FAM53B: variants seen among roughly 807,000 people sequenced by gnomAD.
FAM53B encodes the protein family with sequence similarity 53 member B, also known as protein FAM53B.
FAM53B carries 12 observed loss-of-function variants against 32.7 expected under a neutral mutation model. The ratio of observed to expected loss-of-function variants is 0.37; its 90% CI spans 0.24 to 0.59. FAM53B has a LOEUF of 0.59. Ranked by LOEUF, FAM53B falls within the 20% of genes least tolerant of loss-of-function variation. The pLI is 0.72. For missense variants in FAM53B, 477 were observed against 577.7 expected, an observed-to-expected ratio of 0.83 and a Z score of 1.79; for synonymous variants, 234 against 228.7, an observed-to-expected ratio of 1.02 and a Z score of -0.21.
intron 4 of FAM53B, among the ~76,000 whole-genome samples, chr10:124,654,298 G>A (rs1159964208): frequency 6.6e-6 from 1 of 152,222 alleles, no homozygotes; most frequent in African/African-American, 2.4e-5. Context: ...GGAGCCTAGG[G>A]CCTGGCCCTC....
intron 4 of FAM53B, among the ~76,000 whole-genome samples, chr10:124,652,516 T>G (rs1589738551): frequency 2.0e-5 from 3 of 152,234 alleles, no homozygotes; most frequent in Middle Eastern, 6.8e-3. Context: ...TAACCCTGGG[T>G]GACCATGGCC....
In FAM53B at chr10:124,682,353, T is replaced by C. The variant is rs149474219; in HGVS notation, c.160A>G (p.Arg54Gly). 281 of 1,604,466 alleles carry C rather than the reference T, an allele frequency of 1.8e-4. No individual in the cohort carries two copies. The highest frequency in any genetic ancestry group is 2.3e-4 in the Non-Finnish European group (272 of 1,173,432). ...MENDRWRDLD[R>G]KCPLQIDQPS... ...TGGTCAATCTGAAGAGGGCATTTCC[T>C]GTCCAGGTCTCGCCATCTGTCATTT... is the stretch of plus-strand genomic sequence containing the variant. Residue 54 changes from arginine (R) to glycine (G), a missense_variant, in exon 4 of 5, where the codon AGG (arginine) becomes GGG (glycine). Transcript: ENST00000337318. This position sits in a 1 kb window ranked among gnomAD's most constrained non-coding sequence, Gnocchi z 5.2.
intron 1 of FAM53B, among the ~76,000 whole-genome samples, chr10:124,736,934 T>C (rs1950176877): frequency 6.6e-6 from 1 of 152,176 alleles, no homozygotes; most frequent in Admixed American, 6.5e-5. Context: ...CCTCCCCTGG[T>C]GAGCACTGGA....
At chr10:124,639,851 C>T (rs957583677) in intron 4 of FAM53B, among the ~76,000 whole-genome samples, 3 of 152,048 alleles carry the variant, frequency 2.0e-5, no homozygotes, top group Non-Finnish European at 2.9e-5. Context: ...ATCATCCAGG[C>T]ACAAGGGACA....
chr10:124,679,919 T>C (rs911656607), intron 4 of FAM53B, among the ~76,000 whole-genome samples: 3 of 152,384 alleles, frequency 2.0e-5, no homozygotes, highest in Middle Eastern at 3.4e-3. Context: ...ACATGCATGT[T>C]GTTTTTGTTA....
At chr10:124,675,012 G>A (rs1029481125) in intron 4 of FAM53B, among the ~76,000 whole-genome samples, 9 of 152,244 alleles carry the variant, frequency 5.9e-5, no homozygotes, top group East Asian at 1.9e-4. Context: ...CAATTGAAGC[G>A]TGGAAATCAC....
At chr10:124,647,803 C>CG (rs1377294465) in intron 4 of FAM53B, among the ~76,000 whole-genome samples, 3 of 152,180 alleles carry the variant, frequency 2.0e-5, no homozygotes, top group Non-Finnish European at 4.4e-5. Flanking sequence ...AAAATGTCTT[C>CG]GGCTTCACCA....
intron 4 of FAM53B, among the ~76,000 whole-genome samples, chr10:124,643,414 G>T (rs542117114): frequency 6.6e-6 from 1 of 152,242 alleles, no homozygotes; most frequent in Admixed American, 6.5e-5. Flanking sequence ...TTCTCGGCGC[G>T]GTGATTGCGC....
chr10:124,723,781 C>CT (rs1950084769), intron 1 of FAM53B, among the ~76,000 whole-genome samples: 1 of 152,246 alleles, frequency 6.6e-6, no homozygotes, highest in South Asian at 2.1e-4. Context: ...GGCCAAGGTC[C>CT]TGGGAGCCTC....
At chr10:124,692,829 T>C (rs1232232123) in intron 3 of FAM53B, among the ~76,000 whole-genome samples, 2 of 152,070 alleles carry the variant, frequency 1.3e-5, no homozygotes, top group Admixed American at 1.3e-4. Flanking sequence ...GGGTGGCATT[T>C]TAAAAAGTGA....
At chr10:124,652,520 C>G (rs1342991140) in intron 4 of FAM53B, among the ~76,000 whole-genome samples, 1 of 152,194 alleles carries the variant, frequency 6.6e-6, no homozygotes, top group Non-Finnish European at 1.5e-5. Context: ...CCTGGGTGAC[C>G]ATGGCCAGCC....
At chr10:124,662,155 C>T (rs1483147568) in intron 4 of FAM53B, among the ~76,000 whole-genome samples, 2 of 152,238 alleles carry the variant, frequency 1.3e-5, no homozygotes, top group Non-Finnish European at 2.9e-5. Context: ...CAAGCATGGG[C>T]CTCATGGCCA....
At chr10:124,732,134 T>C (rs1350474584) in intron 1 of FAM53B, among the ~76,000 whole-genome samples, 2 of 152,128 alleles carry the variant, frequency 1.3e-5, no homozygotes, top group Non-Finnish European at 2.9e-5. Flanking sequence ...AGGACAAAAA[T>C]TGAGCCAAAG....
intron 4 of FAM53B, among the ~76,000 whole-genome samples, chr10:124,679,809 G>A (rs570647419): frequency 3.9e-5 from 6 of 152,380 alleles, no homozygotes; most frequent in African/African-American, 1.4e-4. Context: ...CAGCCCCACT[G>A]AGCAATGTAT....
At chr10:124,739,813 GA>G (rs1157816935) in intron 1 of FAM53B, among the ~76,000 whole-genome samples, 1 of 152,104 alleles carries the variant, frequency 6.6e-6, no homozygotes, top group African/African-American at 2.4e-5. Context: ...GACGTGATGT[GA>G]AATTCTACAA....
intron 1 of FAM53B, among the ~76,000 whole-genome samples, chr10:124,719,414 T>C (rs1361760545): frequency 1.3e-5 from 2 of 152,154 alleles, no homozygotes; most frequent in Non-Finnish European, 2.9e-5. Context: ...AGCAAACACC[T>C]TGGGATGCCA....
At chr10:124,729,429 A>C (rs78741772) in intron 1 of FAM53B, among the ~76,000 whole-genome samples, 7,713 of 152,250 alleles carry the variant, frequency 0.051, 636 homozygotes, top group African/African-American at 0.17. Context: ...CCTCTTAAAC[A>C]CAACTTCCTC....
chr10:124,670,240 A>C (rs969649847), intron 4 of FAM53B, among the ~76,000 whole-genome samples: 1 of 152,090 alleles, frequency 6.6e-6, no homozygotes, highest in Non-Finnish European at 1.5e-5. Flanking sequence ...GGCCCTGCCT[A>C]AGCATCTCTC....
At chr10:124,660,076 G>A (rs1675438357) in intron 4 of FAM53B, among the ~76,000 whole-genome samples, 2 of 152,210 alleles carry the variant, frequency 1.3e-5, no homozygotes, top group South Asian at 4.1e-4. Context: ...CAACGTTCTG[G>A]GATTACAGGC....
Sources: gnomAD v4.1 joint callset for allele counts (sites outside exome capture counted in the v4.1 genomes callset) on GRCh38, gnomAD v4.1.1 for gene constraint, Gnocchi (gnomAD v3.1) non-coding constraint, MANE v1.5 for transcripts, NCBI Gene and HGNC (gene_info 2026-07-23, HGNC 2026-07-21) for gene names.